The following RASSF3 variants were observed in gnomAD, a reference collection of about 807,000 sequenced individuals.
The protein encoded by RASSF3 is Ras association domain family member 3, also known as ras association domain-containing protein 3.
Under a neutral mutation model 19.9 loss-of-function variants are expected in RASSF3, and 19 were observed. The observed-to-expected ratio is 0.96, with a 90% CI of 0.67 to 1.40. The LOEUF (loss-of-function observed/expected upper bound fraction) is 1.40, where lower values mean the gene tolerates loss of function less well. RASSF3 is among the 40% of genes most tolerant of loss of function. The probability of loss-of-function intolerance (pLI) is 0.00; values close to 1 mark genes in which losing one functional copy is unlikely to be tolerated. For synonymous variants in RASSF3, 110 were observed against 104.2 expected (o/e 1.06, Z -0.34); for missense variants, 306 against 289.8 (o/e 1.06, Z -0.41).
At chr12:64,618,268 A>C (rs1870620856) in intron 1 of RASSF3, among the ~76,000 whole-genome samples, 1 of 152,126 alleles carries the variant, frequency 6.6e-6, no homozygotes, top group African/African-American at 2.4e-5. Flanking sequence ...TTAATAGTTT[A>C]AACAGGTAGT....
At chr12:64,595,963 C>G (rs751933064) in intron 2 of RASSF3, among the ~76,000 whole-genome samples, 1 of 152,186 alleles carries the variant, frequency 6.6e-6, no homozygotes, top group Non-Finnish European at 1.5e-5. Flanking sequence ...TTTCCCTCCC[C>G]CTTTCTTTGT....
chr12:64,524,378 C>T (rs531391017), intron 1 of RASSF3, among the ~76,000 whole-genome samples: 1 of 151,932 alleles, frequency 6.6e-6, no homozygotes, highest in Non-Finnish European at 1.5e-5. Context: ...TGAGCCACCG[C>T]GCCCAGCCTG....
intron 1 of RASSF3, among the ~76,000 whole-genome samples, chr12:64,508,344 G>A (rs1380480882): frequency 4.6e-5 from 7 of 151,692 alleles, no homozygotes; most frequent in Non-Finnish European, 1.0e-4. Context: ...GTGAAAACCT[G>A]TCTGTACTAA....
At chr12:64,656,556 GAAAGAT>G (rs1273413662) in intron 1 of RASSF3, among the ~76,000 whole-genome samples, 3 of 152,176 alleles carry the variant, frequency 2.0e-5, no homozygotes, top group Non-Finnish European at 4.4e-5. Context: ...CAGTTGCAGT[GAAAGAT>G]AAAGAACATC....
intron 1 of RASSF3, among the ~76,000 whole-genome samples, chr12:64,627,028 G>T (rs986869738): frequency 6.6e-6 from 1 of 152,154 alleles, no homozygotes; most frequent in Non-Finnish European, 1.5e-5. Context: ...TTGAGTAACA[G>T]TTTCTTGATC....
intron 2 of RASSF3, among the ~76,000 whole-genome samples, chr12:64,572,394 C>A (rs1034205036): frequency 6.6e-6 from 1 of 151,826 alleles, no homozygotes; most frequent in Non-Finnish European, 1.5e-5. Context: ...GAGAAGGTAG[C>A]CTTCTGCAAG....
chr12:64,555,388 A>G (rs1389951591), intron 2 of RASSF3, among the ~76,000 whole-genome samples: 1 of 152,172 alleles, frequency 6.6e-6, no homozygotes, highest in Non-Finnish European at 1.5e-5. Flanking sequence ...TAGAATCTTA[A>G]TGTCTTAAAC....
At chr12:64,641,775 C>G (rs560919810) in intron 1 of RASSF3, among the ~76,000 whole-genome samples, 4 of 151,790 alleles carry the variant, frequency 2.6e-5, no homozygotes, top group Non-Finnish European at 5.9e-5. Context: ...GGAGTTTCGC[C>G]CTTGTTGCCC....
At chr12:64,515,284 T>C (rs1411997722) in intron 1 of RASSF3, among the ~76,000 whole-genome samples, 2 of 152,152 alleles carry the variant, frequency 1.3e-5, no homozygotes, top group African/African-American at 2.4e-5. Flanking sequence ...CTCGAACTCC[T>C]GACCTCAGGT....
downstream of RASSF3, among the ~76,000 whole-genome samples, chr12:64,545,410 G>C (rs1486763512): frequency 6.6e-6 from 1 of 152,294 alleles, no homozygotes; most frequent in East Asian, 1.9e-4. Context: ...TGAGCTCTCT[G>C]ATGTGGCTCT....
At chr12:64,555,817 G>A (rs1869247538) in intron 2 of RASSF3, among the ~76,000 whole-genome samples, 1 of 152,030 alleles carries the variant, frequency 6.6e-6, no homozygotes, top group Non-Finnish European at 1.5e-5. Context: ...AACTTTGGGA[G>A]GCCAAGGTAG....
At chr12:64,620,522 T>A (rs1002254885) in intron 1 of RASSF3, among the ~76,000 whole-genome samples, 1 of 152,202 alleles carries the variant, frequency 6.6e-6, no homozygotes, top group African/African-American at 2.4e-5. Context: ...AGGAATACTA[T>A]ACTGACAAAT....
Position 64,694,889 on chromosome 12 carries a change from C to A in RASSF3, c.694C>A (p.Arg232Ser). ...AYRQKLEEALREVWKPD is the reference protein window; with the variant it reads ...AYRQKLEEALSEVWKPD ...CAGGCAGAAGCTGGAAGAAGCCCTC[C>A]GTGAGGTGTGGAAGCCTGATTAAAG... is the stretch of plus-strand genomic sequence containing the variant. Residue 232 changes from arginine (R) to serine (S), a missense_variant, in exon 5 of 5, where the codon CGT becomes AGT. Physicochemically the swap from Arg to Ser is moderately radical, Grantham distance 110 (BLOSUM62 -1). Transcript: ENST00000542104. 6.2e-7 allele frequency: 1 copy of A among 1,614,176 alleles called. No homozygotes were observed. Among genetic ancestry groups the A allele is most frequent in the Non-Finnish European group, 8.5e-7 (1 of 1,180,032 alleles).
intron 1 of RASSF3, among the ~76,000 whole-genome samples, chr12:64,623,896 G>A (rs1045211748): frequency 3.0e-4 from 45 of 151,844 alleles, no homozygotes; most frequent in Admixed American, 2.6e-3. Context: ...CGATCTGCCC[G>A]CCTCTGCCTC....
intron 1 of RASSF3, among the ~76,000 whole-genome samples, chr12:64,678,495 C>T (rs1195220705): frequency 6.6e-6 from 1 of 152,106 alleles, no homozygotes; most frequent in African/African-American, 2.4e-5. Flanking sequence ...TGTGATGGTA[C>T]CACTTACTGA....
chr12:64,579,184 AC>A (rs1295844672), intron 2 of RASSF3, among the ~76,000 whole-genome samples: 1 of 152,044 alleles, frequency 6.6e-6, no homozygotes, highest in Non-Finnish European at 1.5e-5. Context: ...TAATGACACA[AC>A]CGTGTTAGAA....
chr12:64,642,397 T>C (rs12824246), intron 1 of RASSF3, among the ~76,000 whole-genome samples: 2 of 151,238 alleles, frequency 1.3e-5, no homozygotes, highest in South Asian at 4.2e-4. Context: ...CTGTCTCTAC[T>C]AAAAATACAA....
intron 1 of RASSF3, among the ~76,000 whole-genome samples, chr12:64,515,330 C>T (rs1868356055): frequency 1.3e-5 from 2 of 152,188 alleles, no homozygotes; most frequent in Admixed American, 1.3e-4. Context: ...GGCATGATTA[C>T]AGGCATGAGC....
intron 2 of RASSF3, among the ~76,000 whole-genome samples, chr12:64,547,560 C>T (rs927971702): frequency 4.0e-5 from 6 of 151,080 alleles, no homozygotes; most frequent in African/African-American, 9.7e-5. Flanking sequence ...AGTGAGACTC[C>T]GTCTCAAAAA....
Sources: allele counts gnomAD v4.1 joint callset (sites outside exome capture counted in the v4.1 genomes callset), GRCh38; gene constraint gnomAD v4.1.1; transcripts MANE v1.5; gene names NCBI Gene and HGNC (gene_info 2026-07-23, HGNC 2026-07-21).